The following CSMD3 variants were observed in gnomAD, a reference collection of about 807,000 sequenced individuals.
The protein encoded by CSMD3 is CUB and Sushi multiple domains 3.
Under a neutral mutation model 435.2 loss-of-function variants are expected in CSMD3, and 177 were observed. The observed-to-expected ratio is 0.41, with a 90% confidence interval of 0.36 to 0.46. The LOEUF is 0.46. Ranked by LOEUF, CSMD3 falls within the 20% of genes least tolerant of loss-of-function variation. The probability of loss-of-function intolerance (pLI) is 0.34; values close to 1 mark genes in which losing one functional copy is unlikely to be tolerated. For missense variants in CSMD3, 4,265 were observed against 4,504.6 expected (o/e 0.95, Z 1.52); for synonymous variants, 1,656 against 1,520.5 (o/e 1.09, Z -2.07).
At chr8:113,257,184 G>T (rs527356786) in intron 3 of CSMD3, among the ~76,000 whole-genome samples, 32 of 152,164 alleles carry the variant, frequency 2.1e-4, no homozygotes, top group Non-Finnish European at 3.5e-4. Context: ...CGAGGCGGGC[G>T]GATCACGTGG....
chr8:112,906,976 A>G (rs567647193), intron 10 of CSMD3, among the ~76,000 whole-genome samples: 13 of 151,736 alleles, frequency 8.6e-5, no homozygotes, highest in Middle Eastern at 3.4e-3. Context: ...ATGTTTGACT[A>G]TAAAGAAAAT....
chr8:112,719,306 A>G (rs1054863355), intron 13 of CSMD3, among the ~76,000 whole-genome samples: 4 of 152,190 alleles, frequency 2.6e-5, no homozygotes, highest in Non-Finnish European at 5.9e-5. Flanking sequence ...GGTCAGCAAC[A>G]TAATATGCCC....
intron 23 of CSMD3, among the ~76,000 whole-genome samples, 186 bp downstream of exon 23, chr8:112,586,880 C>T (rs1276420459): frequency 6.6e-6 from 1 of 151,192 alleles, no homozygotes; most frequent in African/African-American, 2.4e-5. Flanking sequence ...ACAAAACATA[C>T]TATTTCAATG....
intron 36 of CSMD3, among the ~76,000 whole-genome samples, chr8:112,386,757 A>G (rs902814422): frequency 3.3e-5 from 5 of 152,080 alleles, no homozygotes; most frequent in African/African-American, 1.2e-4. Flanking sequence ...TCGGCCCCCC[A>G]AAGTGCTGGG....
At chr8:112,554,045 T>C (rs1474067467) in intron 25 of CSMD3, among the ~76,000 whole-genome samples, 2 of 151,960 alleles carry the variant, frequency 1.3e-5, no homozygotes, top group Admixed American at 1.3e-4. Flanking sequence ...AAGAAATTCT[T>C]TCTCAAAACT....
chr8:112,592,033 T>A (rs1321807310), intron 22 of CSMD3, among the ~76,000 whole-genome samples: 1 of 152,048 alleles, frequency 6.6e-6, no homozygotes, highest in African/African-American at 2.4e-5. Context: ...AAATGGGGCA[T>A]CTAAAAATTG....
rs1306140641 is a variant in CSMD3 at position 112,459,345 on chromosome 8, T to TTG, written c.5395+13244_5395+13245dup. Among the ~76,000 whole-genome samples the TTG allele has an allele frequency of 5.9e-3, 635 of 108,100 alleles. 3 individuals carry two copies. Among genetic ancestry groups the TTG allele is most frequent in the Non-Finnish European group, 8.2e-3 (435 of 52,888 alleles). 70.9% of individuals were successfully genotyped at this position (108,100 alleles called of 152,430 possible). On this transcript the variant is annotated intron_variant, in intron 32 of 70. Transcript: ENST00000297405. Reference sequence around the variant, plus strand: ...ATTTGTGCTCATAATTGTGTGTGTGTTGTGTGTGTGTGTGGGGGGGGGGGG... The same window carrying TTG: ...ATTTGTGCTCATAATTGTGTGTGTGTTGTGTGTGTGTGTGTGGGGGGGGGGGG...
At chr8:113,016,726 T>A (rs2086473288) in intron 6 of CSMD3, among the ~76,000 whole-genome samples, 1 of 151,898 alleles carries the variant, frequency 6.6e-6, no homozygotes, top group African/African-American at 2.4e-5. Context: ...TTGAATTAGT[T>A]TTAATGTAGA....
At chr8:112,337,819 T>C (rs1250607203) in intron 42 of CSMD3, 88 bp from the exon 43 acceptor site, 2 of 865,156 alleles carry the variant, frequency 2.3e-6, no homozygotes, top group Non-Finnish European at 3.7e-6. Flanking sequence ...AACTTAAAAA[T>C]AGATGTGATG....
At position 112,583,433 on chromosome 8, in the gene CSMD3, A is replaced by G. The variant is rs148925233; in HGVS notation, c.3885+3633T>C. The stretch of plus-strand genomic sequence containing the variant: ...CTGTTCTGTCAATGTACTTTAAGGC[A>G]TATATGTTTCAAAGTTTTTTTTAAT... On this transcript the variant is annotated intron_variant, in intron 23 of 70. Transcript: ENST00000297405. Among the ~76,000 whole-genome samples the G allele has an allele frequency of 1.6e-3, 247 of 152,102 alleles. 3 individuals are homozygous for G. Among genetic ancestry groups the G allele is most frequent in the African/African-American group, 5.7e-3 (237 of 41,538 alleles).
chr8:112,546,804 C>T (rs1827220281), intron 27 of CSMD3, among the ~76,000 whole-genome samples: 1 of 152,150 alleles, frequency 6.6e-6, no homozygotes, highest in Admixed American at 6.5e-5. Context: ...CAGACAATAA[C>T]ACCAAGAGAT....
intron 10 of CSMD3, among the ~76,000 whole-genome samples, chr8:112,861,717 T>A (rs1370321503): frequency 6.6e-6 from 1 of 151,872 alleles, no homozygotes; most frequent in Non-Finnish European, 1.5e-5. Context: ...TGATAAGGAA[T>A]GTAGCGTGAA....
intron 11 of CSMD3, among the ~76,000 whole-genome samples, chr8:112,837,920 C>T (rs1288048706): frequency 2.6e-5 from 4 of 151,694 alleles, no homozygotes; most frequent in Non-Finnish European, 5.9e-5. Flanking sequence ...TATGCAAATA[C>T]CACGTTACAC....
At chr8:113,077,461 G>A (rs2089390268) in intron 5 of CSMD3, among the ~76,000 whole-genome samples, 1 of 152,132 alleles carries the variant, frequency 6.6e-6, no homozygotes, top group Non-Finnish European at 1.5e-5. Context: ...CAGCACTTTG[G>A]GAGGCCGAAA....
intron 12 of CSMD3, among the ~76,000 whole-genome samples, chr8:112,809,635 C>A (rs902556640): frequency 3.3e-5 from 5 of 152,000 alleles, no homozygotes; most frequent in Non-Finnish European, 7.4e-5. Flanking sequence ...TAATAGTTCC[C>A]ACAATCACTT....
intron 22 of CSMD3, among the ~76,000 whole-genome samples, chr8:112,613,602 C>T (rs1365792224): frequency 6.6e-6 from 1 of 152,084 alleles, no homozygotes; most frequent in Non-Finnish European, 1.5e-5. Flanking sequence ...TACCCTCCAG[C>T]CTTTGGCACA....
chr8:112,651,539 G>A (rs1245972369), intron 18 of CSMD3, among the ~76,000 whole-genome samples: 1 of 147,884 alleles, frequency 6.8e-6, no homozygotes, highest in Non-Finnish European at 1.5e-5. Flanking sequence ...AGCACCCAGT[G>A]CATTTTTTTT....
In CSMD3 at chr8:112,514,256, A is replaced by G. The variant is rs146345918; in HGVS notation, c.4756+2778T>C. Among the ~76,000 whole-genome samples the G allele has an allele frequency of 3.6e-3, 544 of 152,286 alleles. 1 individual carries two copies. Among genetic ancestry groups the G allele is most frequent in the African/African-American group, 0.013 (521 of 41,586 alleles). On this transcript the variant is annotated intron_variant, in intron 28 of 70. Coordinates refer to ENST00000297405, the MANE Select transcript of CSMD3 (RefSeq NM_198123.2). ...ATTTTGAAAACCTACGAAAGCCAACAAGAAAAGCAGAGACATTATCTGACG... is the reference window on the plus strand; with the variant it reads ...ATTTTGAAAACCTACGAAAGCCAACGAGAAAAGCAGAGACATTATCTGACG...
chr8:112,443,659 TTATCTTTATA>T (rs1322671300), intron 32 of CSMD3, among the ~76,000 whole-genome samples: 1 of 152,060 alleles, frequency 6.6e-6, no homozygotes, highest in Non-Finnish European at 1.5e-5. Context: ...AATGCCCTAG[TTATCTTTATA>T]TTAAATGTCT....
Sources: allele counts gnomAD v4.1 joint callset (sites outside exome capture counted in the v4.1 genomes callset), GRCh38; gene constraint gnomAD v4.1.1; transcripts MANE v1.5; gene names NCBI Gene and HGNC (gene_info 2026-07-23, HGNC 2026-07-21).